The following SEMA5A variants were observed in gnomAD, a reference collection of about 807,000 sequenced individuals.
The protein encoded by SEMA5A is semaphorin-5A.
In SEMA5A, 55 loss-of-function variants were observed where a neutral mutation model predicts 135.5. The observed-to-expected ratio is 0.41, with a 90% CI of 0.33 to 0.51. The LOEUF (loss-of-function observed/expected upper bound fraction) is 0.51, where lower values mean the gene tolerates loss of function less well. Ranked by LOEUF, SEMA5A falls within the 20% of genes least tolerant of loss-of-function variation. SEMA5A has a pLI of 0.37. For missense variants in SEMA5A, 1,290 were observed against 1,419.9 expected (o/e 0.91, Z 1.47); for synonymous variants, 580 against 546.5 (o/e 1.06, Z -0.85).
chr5:9,444,172 A>AT (rs552404221), intron 1 of SEMA5A, among the ~76,000 whole-genome samples: 6 of 146,454 alleles, frequency 4.1e-5, no homozygotes, highest in Admixed American at 2.7e-4. Flanking sequence ...TTTTTAGTTT[A>AT]TTTTTTTTAA....
rs1490116196 is a variant in SEMA5A, at chr5:9,533,377, T to A, written c.-175+12207A>T. On this transcript the variant is annotated intron_variant, in intron 1 of 22. Coordinates refer to ENST00000382496, the MANE Select transcript of SEMA5A (RefSeq NM_003966.3). ...TTTTCGAGTTTGTCCATAAGATTTT[T>A]AAAATAGACCTTTCACTTTAGTGTA... is the stretch of plus-strand genomic sequence containing the variant. Among the ~76,000 whole-genome samples, 3 of 152,360 alleles carry A rather than the reference T, an allele frequency of 2.0e-5. No homozygotes were observed. The East Asian group carries it at 5.8e-4, about 29-fold the overall frequency.
intron 3 of SEMA5A, among the ~76,000 whole-genome samples, chr5:9,354,528 A>G (rs16882488): frequency 0.061 from 9,319 of 152,152 alleles, 323 homozygotes; most frequent in South Asian, 0.073. Flanking sequence ...TCTTCACTAG[A>G]CCGTCTGCTC....
At chr5:9,351,527 T>C (rs1579392938) in intron 3 of SEMA5A, among the ~76,000 whole-genome samples, 1 of 152,172 alleles carries the variant, frequency 6.6e-6, no homozygotes, top group Non-Finnish European at 1.5e-5. Flanking sequence ...TACTTTGTAC[T>C]GTCTCACAGA....
At chr5:9,436,203 G>A (rs1337181930) in intron 2 of SEMA5A, among the ~76,000 whole-genome samples, 1 of 152,122 alleles carries the variant, frequency 6.6e-6, no homozygotes, top group Non-Finnish European at 1.5e-5. Context: ...CACACAATGA[G>A]GACTTACATT....
intron 10 of SEMA5A, among the ~76,000 whole-genome samples, chr5:9,196,512 G>A (rs559098544): frequency 1.3e-5 from 2 of 152,306 alleles, no homozygotes; most frequent in Non-Finnish European, 2.9e-5. Context: ...CCAGTCGGTG[G>A]TGTTTTCTTA....
chr5:9,519,967 A>G (rs547576399), intron 1 of SEMA5A: 1 of 152,344 alleles, frequency 6.6e-6, no homozygotes, highest in Admixed American at 6.5e-5. Flanking sequence ...AAAAGTTTAG[A>G]CCTGTGTAAA....
intron 4 of SEMA5A, among the ~76,000 whole-genome samples, chr5:9,329,118 A>C (rs1055262837): frequency 6.6e-6 from 1 of 152,020 alleles, no homozygotes; most frequent in Admixed American, 6.6e-5. Context: ...TTGGAGGAAC[A>C]CCTTCTCTAT....
intron 6 of SEMA5A, chr5:9,237,576 T>C: frequency 3.0e-6 from 1 of 334,116 alleles, no homozygotes. Flanking sequence ...CTTATCTTAG[T>C]CTAATGACAG....
intron 13 of SEMA5A, among the ~76,000 whole-genome samples, chr5:9,128,693 A>G (rs1350800626): frequency 6.6e-6 from 1 of 152,220 alleles, no homozygotes; most frequent in East Asian, 1.9e-4. Flanking sequence ...ATTTTTATAG[A>G]AAAATTAAAC....
At chr5:9,505,509 G>A (rs985932529) in intron 1 of SEMA5A, among the ~76,000 whole-genome samples, 1 of 152,152 alleles carries the variant, frequency 6.6e-6, no homozygotes, top group Non-Finnish European at 1.5e-5. Flanking sequence ...ATTCCCCTTG[G>A]AAGGCTTCTT....
rs552091162 is a variant in SEMA5A at position 9,543,327 on chromosome 5, G to A, written c.-175+2257C>T. 2.0e-5 allele frequency among the ~76,000 whole-genome samples: 3 copies of A among 152,306 alleles called. No homozygotes were observed. The South Asian group carries it at 6.2e-4, about 32-fold the overall frequency. On this transcript the variant is annotated intron_variant, in intron 1 of 22. Coordinates refer to ENST00000382496, the MANE Select transcript of SEMA5A (RefSeq NM_003966.3). ...ATGTGCTTGTATTTATTTCGGTCTCGTGGTCAATAAGTTTTAACAGCCTCT... is the reference window on the plus strand; with the variant it reads ...ATGTGCTTGTATTTATTTCGGTCTCATGGTCAATAAGTTTTAACAGCCTCT...
At chr5:9,093,169 ATGAT>A (rs1739128200) in intron 16 of SEMA5A, among the ~76,000 whole-genome samples, 1 of 152,200 alleles carries the variant, frequency 6.6e-6, no homozygotes, top group Non-Finnish European at 1.5e-5. Context: ...AAGTTGAAGA[ATGAT>A]TGTGGGAAAG....
intron 5 of SEMA5A, among the ~76,000 whole-genome samples, chr5:9,280,517 C>G (rs1483320722): frequency 6.6e-6 from 1 of 152,162 alleles, no homozygotes; most frequent in Non-Finnish European, 1.5e-5. Context: ...TCAACAGGAC[C>G]AGGGTTACTA....
At chr5:9,122,621 A>G in intron 14 of SEMA5A, 35 bp downstream of exon 14, 1 of 1,472,894 alleles carries the variant, frequency 6.8e-7, no homozygotes, top group Non-Finnish European at 9.1e-7. Flanking sequence ...AGTTTAATAC[A>G]CAGCAGCACA....
intron 2 of SEMA5A, among the ~76,000 whole-genome samples, chr5:9,411,540 C>G (rs1388071215): frequency 6.6e-6 from 1 of 152,182 alleles, no homozygotes; most frequent in Non-Finnish European, 1.5e-5. Flanking sequence ...ATAGTCCAGT[C>G]CCATCATTAC....
intron 2 of SEMA5A, among the ~76,000 whole-genome samples, chr5:9,418,684 AC>A (rs1190524340): frequency 6.6e-6 from 1 of 152,086 alleles, no homozygotes; most frequent in Non-Finnish European, 1.5e-5. Flanking sequence ...AGGAACAGGA[AC>A]TCTGACATAT....
At chr5:9,445,000 G>C (rs1758377618) in intron 1 of SEMA5A, among the ~76,000 whole-genome samples, 1 of 152,034 alleles carries the variant, frequency 6.6e-6, no homozygotes, top group Non-Finnish European at 1.5e-5. Flanking sequence ...ACAAAATGTG[G>C]GACAAAATAA....
chr5:9,275,020 C>CA (rs1750180951), intron 5 of SEMA5A, among the ~76,000 whole-genome samples: 7 of 136,844 alleles, frequency 5.1e-5, no homozygotes, highest in Non-Finnish European at 8.0e-5. Context: ...GAAAACCCCT[C>CA]AAAAAAATCA....
intron 6 of SEMA5A, among the ~76,000 whole-genome samples, chr5:9,229,010 C>T (rs40663): frequency 0.18 from 27,071 of 152,112 alleles, 2,590 homozygotes; most frequent in Middle Eastern, 0.28. Context: ...AGGCTGGTCT[C>T]GAACTCCTGG....
Sources: allele counts gnomAD v4.1 joint callset (sites outside exome capture counted in the v4.1 genomes callset), GRCh38; gene constraint gnomAD v4.1.1; transcripts MANE v1.5; gene names NCBI Gene and HGNC (gene_info 2026-07-23, HGNC 2026-07-21).